Variants in ABCC4 observed in about 807,000 individuals in gnomAD.
ABCC4 encodes ATP-binding cassette sub-family C member 4.
Under a neutral mutation model 168.5 loss-of-function variants are expected in ABCC4, and 102 were observed. The observed-to-expected ratio is 0.61, with a 90% CI of 0.52 to 0.71. The LOEUF (loss-of-function observed/expected upper bound fraction) is 0.71. ABCC4 is among the 30% of genes least tolerant of loss of function. The pLI is 0.00. For synonymous variants in ABCC4, 617 were observed against 590.7 expected, an observed-to-expected ratio of 1.04 and a Z score of -0.65; for missense variants, 1,402 against 1,605.8, an observed-to-expected ratio of 0.87 and a Z score of 2.17.
At chr13:95,201,783 G>A (rs1269503868) in intron 8 of ABCC4, among the ~76,000 whole-genome samples, 1 of 152,168 alleles carries the variant, frequency 6.6e-6, no homozygotes, top group Non-Finnish European at 1.5e-5. Context: ...GACCTGCCTG[G>A]CCAACGTGGT....
At chr13:95,283,151 G>A (rs1300654514) in intron 1 of ABCC4, among the ~76,000 whole-genome samples, 4 of 151,312 alleles carry the variant, frequency 2.6e-5, no homozygotes, top group Non-Finnish European at 4.4e-5. Flanking sequence ...GGGAGGCGGA[G>A]GCTGCAGTGA....
intron 13 of ABCC4, among the ~76,000 whole-genome samples, chr13:95,175,628 G>T (rs976932802): frequency 6.6e-6 from 1 of 152,196 alleles, no homozygotes; most frequent in African/African-American, 2.4e-5. Flanking sequence ...CTTTAGAGAA[G>T]TAATTACACT....
chr13:95,073,758 T>C (rs946215623), intron 23 of ABCC4, among the ~76,000 whole-genome samples: 2 of 152,190 alleles, frequency 1.3e-5, no homozygotes, highest in Non-Finnish European at 2.9e-5. Flanking sequence ...GCACTGTTGT[T>C]ACTGGGGTGG....
chr13:95,216,688 A>G (rs1325570089), intron 4 of ABCC4, among the ~76,000 whole-genome samples: 1 of 151,846 alleles, frequency 6.6e-6, no homozygotes, highest in Admixed American at 6.6e-5. Context: ...ACACAAAGCC[A>G]TGTAAATTAA....
chr13:95,083,530 CTTTT>C (rs372137669), intron 20 of ABCC4, among the ~76,000 whole-genome samples: 1 of 138,752 alleles, frequency 7.2e-6, no homozygotes, highest in East Asian at 2.1e-4. Flanking sequence ...TTTCCTTTTT[CTTTT>C]TTTTTTTTTT....
At chr13:95,198,725 C>CA (rs2038533848) in intron 8 of ABCC4, among the ~76,000 whole-genome samples, 8 of 152,118 alleles carry the variant, frequency 5.3e-5, no homozygotes, top group Admixed American at 5.2e-4. Context: ...CCATCAATGA[C>CA]AGACTGGATA....
intron 1 of ABCC4, among the ~76,000 whole-genome samples, chr13:95,252,662 G>A (rs973554765): frequency 1.3e-5 from 2 of 152,078 alleles, no homozygotes; most frequent in African/African-American, 2.4e-5. Flanking sequence ...GTGACAGAGC[G>A]AGACTGTCTC....
intron 1 of ABCC4, chr13:95,269,425 C>CAAAAAA (rs757748531): frequency 2.2e-4 from 39 of 178,354 alleles, no homozygotes; most frequent in Admixed American, 8.1e-4. Flanking sequence ...GACTCCATCT[C>CAAAAAA]AAAAAAAAAA....
intron 8 of ABCC4, among the ~76,000 whole-genome samples, chr13:95,200,918 TAAACA>T (rs2038606307): frequency 1.3e-5 from 2 of 152,002 alleles, no homozygotes; most frequent in African/African-American, 4.8e-5. Flanking sequence ...AACAAACAAA[TAAACA>T]AAACAAAACA....
intron 29 of ABCC4, among the ~76,000 whole-genome samples, chr13:95,036,675 T>C (rs1299955271): frequency 6.6e-6 from 1 of 152,174 alleles, no homozygotes; most frequent in East Asian, 1.9e-4. Flanking sequence ...TTAGGGGTGA[T>C]AGAACCATGA....
chr13:95,278,291 T>C (rs1226628917), intron 1 of ABCC4, among the ~76,000 whole-genome samples: 3 of 152,154 alleles, frequency 2.0e-5, no homozygotes, highest in Non-Finnish European at 4.4e-5. Flanking sequence ...TTATGTATAA[T>C]ATGAACTTCA....
At chr13:95,269,627 C>T (rs1008592049) in intron 1 of ABCC4, among the ~76,000 whole-genome samples, 5 of 151,994 alleles carry the variant, frequency 3.3e-5, no homozygotes, top group African/African-American at 1.2e-4. Flanking sequence ...AGGATGTTAA[C>T]CTTATAATTT....
chr13:95,220,069 T>C (rs2039271582), intron 4 of ABCC4, among the ~76,000 whole-genome samples: 1 of 151,864 alleles, frequency 6.6e-6, no homozygotes, highest in East Asian at 1.9e-4. Context: ...TTTCACCATG[T>C]TGATCAGGCT....
intron 4 of ABCC4, among the ~76,000 whole-genome samples, chr13:95,223,449 G>GA (rs1366054259): frequency 4.6e-5 from 7 of 152,132 alleles, no homozygotes; most frequent in Non-Finnish European, 8.8e-5. Flanking sequence ...AGAAACTGAG[G>GA]AAAAATATGA....
At chr13:95,066,646 T>G (rs1318434225) in intron 25 of ABCC4, among the ~76,000 whole-genome samples, 1 of 152,242 alleles carries the variant, frequency 6.6e-6, no homozygotes, top group East Asian at 1.9e-4. Flanking sequence ...CACTTGCATT[T>G]TGCAAAAGAG....
chr13:95,276,535 C>A (rs1028963227), intron 1 of ABCC4, among the ~76,000 whole-genome samples: 2 of 147,348 alleles, frequency 1.4e-5, no homozygotes, highest in African/African-American at 2.5e-5. Flanking sequence ...AAAGAAAAAA[C>A]CAATTGATAA....
chr13:95,121,417 T>C (rs2045713288), intron 19 of ABCC4, among the ~76,000 whole-genome samples: 1 of 147,580 alleles, frequency 6.8e-6, no homozygotes, highest in South Asian at 2.2e-4. Flanking sequence ...TCAAACTTTA[T>C]GGGGTTTTTT....
At chr13:95,033,688 G>A (rs1412013444) in intron 30 of ABCC4, among the ~76,000 whole-genome samples, 2 of 143,808 alleles carry the variant, frequency 1.4e-5, no homozygotes, top group Non-Finnish European at 3.0e-5. Context: ...TTGAGACGGA[G>A]TTTCGCTCTT....
chr13:95,206,478 ACAT>A, intron 8 of ABCC4, 51 bp downstream of exon 8: 2 of 1,589,182 alleles, frequency 1.3e-6, no homozygotes, highest in Admixed American at 1.7e-5. Flanking sequence ...ATAAAAGGAG[ACAT>A]CATTCTACTT....
Sources: gnomAD v4.1 joint callset for allele counts (sites outside exome capture counted in the v4.1 genomes callset) on GRCh38, gnomAD v4.1.1 for gene constraint, MANE v1.5 for transcripts, NCBI Gene and HGNC (gene_info 2026-07-23, HGNC 2026-07-21) for gene names.